MYO5B: variants seen among roughly 807,000 people sequenced by gnomAD.
MYO5B encodes the protein unconventional myosin-Vb.
In MYO5B, 143 loss-of-function variants were observed where a neutral mutation model predicts 229.3. The observed-to-expected ratio is 0.62, with a 90% CI of 0.54 to 0.72. MYO5B has a LOEUF of 0.72. MYO5B is among the 30% of genes least tolerant of loss of function. The pLI is 0.00. For missense variants in MYO5B, 2,321 were observed against 2,331.0 expected, an observed-to-expected ratio of 1.00 and a Z score of 0.09; for synonymous variants, 918 against 885.2, an observed-to-expected ratio of 1.04 and a Z score of -0.66.
intron 1 of MYO5B, among the ~76,000 whole-genome samples, chr18:50,117,810 C>G (rs2144526231): frequency 6.6e-6 from 1 of 152,160 alleles, no homozygotes; most frequent in East Asian, 1.9e-4. Context: ...GGCCTGAGCC[C>G]ATAGAAGAGG....
chr18:50,069,765 A>G (rs910289208), intron 1 of MYO5B, among the ~76,000 whole-genome samples: 23 of 152,156 alleles, frequency 1.5e-4, no homozygotes, highest in African/African-American at 4.3e-4. Flanking sequence ...CCTAAAAAAA[A>G]CTGAACCCAG....
At chr18:50,076,472 C>A (rs2031080910) in intron 1 of MYO5B, among the ~76,000 whole-genome samples, 1 of 152,194 alleles carries the variant, frequency 6.6e-6, no homozygotes, top group Non-Finnish European at 1.5e-5. Context: ...ACAGCCATGG[C>A]AGCCACCTGG....
chr18:50,109,828 G>A (rs993799688), intron 1 of MYO5B, among the ~76,000 whole-genome samples: 3 of 152,066 alleles, frequency 2.0e-5, no homozygotes, highest in African/African-American at 4.8e-5. Flanking sequence ...AGTATCCACC[G>A]CCCTCCATAC....
At chr18:50,185,771 TA>T in intron 1 of MYO5B, among the ~76,000 whole-genome samples, 1 of 152,348 alleles carries the variant, frequency 6.6e-6, no homozygotes, top group Admixed American at 6.5e-5. Flanking sequence ...CTTGGCAATT[TA>T]AAAAATGTAT....
intron 1 of MYO5B, among the ~76,000 whole-genome samples, chr18:50,172,410 TAG>T: frequency 6.6e-6 from 1 of 151,920 alleles, no homozygotes; most frequent in East Asian, 1.9e-4. Context: ...TATCCAGAAC[TAG>T]AGAATCGGAT....
At chr18:49,948,810 G>T (rs2025402346) in intron 14 of MYO5B, among the ~76,000 whole-genome samples, 1 of 152,122 alleles carries the variant, frequency 6.6e-6, no homozygotes, top group Admixed American at 6.6e-5. Flanking sequence ...GGCCTTGTGT[G>T]AGCTGTTCCT....
chr18:49,856,335 C>T (rs1322008591), intron 30 of MYO5B, among the ~76,000 whole-genome samples: 4 of 152,206 alleles, frequency 2.6e-5, no homozygotes, highest in Admixed American at 6.5e-5. Context: ...GACCAGCACA[C>T]ATACTGATGG....
intron 10 of MYO5B, among the ~76,000 whole-genome samples, chr18:49,965,147 C>T (rs2025608114): frequency 6.6e-6 from 1 of 152,172 alleles, no homozygotes; most frequent in Non-Finnish European, 1.5e-5. Context: ...GCCTGACGTA[C>T]ACTGCTGGTG....
At position 49,963,042 on chromosome 18, in the gene MYO5B, A is replaced by C. The variant is rs2025578313; in HGVS notation, c.1323-12T>G. The C allele has an allele frequency of 6.2e-7, 1 of 1,610,682 alleles. No individual in the cohort carries two copies. Among genetic ancestry groups the C allele is most frequent in the African/African-American group, 1.3e-5 (1 of 74,934 alleles). ...CAAATGTCTCAAACCTACAGAATGG[A>C]AAGAGAAGATAAGAGACGTCTCCTT... On this transcript the variant is annotated splice_polypyrimidine_tract_variant and intron_variant, in intron 10 of 39. Coordinates refer to ENST00000285039, the MANE Select transcript of MYO5B (RefSeq NM_001080467.3).
intron 1 of MYO5B, among the ~76,000 whole-genome samples, chr18:50,180,015 G>C (rs2033050131): frequency 6.6e-6 from 1 of 152,130 alleles, no homozygotes; most frequent in South Asian, 2.1e-4. Context: ...CGGACCTCTA[G>C]GGCTGAAGAT....
intron 2 of MYO5B, among the ~76,000 whole-genome samples, chr18:50,042,976 TCCC>T (rs1234101301): frequency 6.6e-6 from 1 of 151,638 alleles, no homozygotes; most frequent in Admixed American, 6.6e-5. Context: ...CTTCAACTCT[TCCC>T]CCCAAGGATG....
intron 6 of MYO5B, 40 bp from the exon 7 acceptor site, chr18:49,990,560 C>T (rs1260589468): frequency 2.6e-6 from 4 of 1,540,374 alleles, no homozygotes; most frequent in Middle Eastern, 3.4e-4. Context: ...GGGCAGTGAC[C>T]TCTAACATCG....
At chr18:49,993,544 C>A (rs2025955057) in intron 5 of MYO5B, among the ~76,000 whole-genome samples, 1 of 152,154 alleles carries the variant, frequency 6.6e-6, no homozygotes, top group Non-Finnish European at 1.5e-5. Context: ...AGTTATACAA[C>A]CACCCACTCA....
intron 39 of MYO5B, among the ~76,000 whole-genome samples, chr18:49,831,552 T>A (rs2144022028): frequency 6.6e-6 from 1 of 152,150 alleles, no homozygotes; most frequent in Middle Eastern, 3.4e-3. Context: ...CAAACCACAA[T>A]GAGATGCCAC....
chr18:50,057,332 T>C (rs1472995939), intron 1 of MYO5B, among the ~76,000 whole-genome samples: 1 of 152,224 alleles, frequency 6.6e-6, no homozygotes, highest in Non-Finnish European at 1.5e-5. Flanking sequence ...TCAGCCAGCA[T>C]ACCCAAGAAA....
rs1007443091 is a variant in MYO5B, at chr18:50,194,761, G to A, written c.27+6C>T. 2.0e-6 allele frequency: 3 copies of A among 1,480,692 alleles called. No individual in the cohort carries two copies. The highest frequency in any genetic ancestry group is 1.8e-6 in the Non-Finnish European group (2 of 1,120,310). 91.7% of individuals were successfully genotyped at this position (1,480,692 alleles called of 1,614,324 possible). ...CCCGGGGCGCCTCCCTCGCGGCCGC[G>A]CTCACCTGGCTGTAGAGCTCGCCCA... On this transcript the variant is annotated splice_donor_region_variant and intron_variant, in intron 1 of 39. Coordinates refer to ENST00000285039, the MANE Select transcript of MYO5B (RefSeq NM_001080467.3).
chr18:49,957,180 G>C (rs1268553029), intron 12 of MYO5B, among the ~76,000 whole-genome samples: 1 of 146,874 alleles, frequency 6.8e-6, no homozygotes. Flanking sequence ...GCATGGCAGT[G>C]GGGGAGTGCA....
At chr18:49,961,106 A>G (rs937735656) in intron 12 of MYO5B, among the ~76,000 whole-genome samples, 2 of 152,220 alleles carry the variant, frequency 1.3e-5, no homozygotes, top group African/African-American at 4.8e-5. Context: ...GTAGTAGTGG[A>G]TGCTGAAACC....
chr18:49,865,221 G>C (rs947321379), intron 27 of MYO5B, among the ~76,000 whole-genome samples: 3 of 152,184 alleles, frequency 2.0e-5, no homozygotes, highest in Non-Finnish European at 4.4e-5. Flanking sequence ...TTGATTTGCT[G>C]AGTGAGGAAG....
Sources: allele counts gnomAD v4.1 joint callset (sites outside exome capture counted in the v4.1 genomes callset), GRCh38; gene constraint gnomAD v4.1.1; transcripts MANE v1.5; gene names NCBI Gene and HGNC (gene_info 2026-07-23, HGNC 2026-07-21).